Variants in BTBD8 observed in about 807,000 individuals in gnomAD.
The protein encoded by BTBD8 is BTB domain containing 8, also known as BTB/POZ domain-containing protein 8.
BTBD8 carries 110 observed loss-of-function variants against 162.9 expected under a neutral mutation model. The ratio of observed to expected loss-of-function variants is 0.68; its 90% CI spans 0.58 to 0.79. The LOEUF is 0.79. Ranked by LOEUF, BTBD8 falls within the 30% of genes least tolerant of loss-of-function variation. BTBD8 has a pLI of 0.00. For synonymous variants in BTBD8, 667 were observed against 716.1 expected (o/e 0.93, Z 1.10); for missense variants, 1,905 against 2,085.4 (o/e 0.91, Z 1.68).
intron 2 of BTBD8, among the ~76,000 whole-genome samples, chr1:92,091,682 A>C (rs918026772): frequency 6.6e-6 from 1 of 152,104 alleles, no homozygotes; most frequent in African/African-American, 2.4e-5. Flanking sequence ...TCCTGGGCTC[A>C]AGTGAGTCTC....
intron 2 of BTBD8, among the ~76,000 whole-genome samples, chr1:92,093,480 C>T (rs143105325): frequency 2.6e-5 from 4 of 152,246 alleles, no homozygotes; most frequent in African/African-American, 9.6e-5. Flanking sequence ...GTGTGAGCCA[C>T]CGCACCCAGC....
rs781344199 is a variant in BTBD8 at position 92,147,691 on chromosome 1, G to T, written c.1027G>T (p.Val343Leu). The T allele has an allele frequency of 3.7e-6, 6 of 1,605,922 alleles. No homozygotes were observed. The highest frequency in any genetic ancestry group is 1.1e-5 in the South Asian group (1 of 88,652). Residue 343 changes from valine (V) to leucine (L), a missense_variant, in exon 9 of 18, where the codon GTA becomes TTA. Val to Leu is a conservative substitution (Grantham distance 32, BLOSUM62 1). Transcript: ENST00000636805. ...SLFADCMKWIVKHFARFWSER... is the reference protein window; with the variant it reads ...SLFADCMKWILKHFARFWSER... ...ATTCTTTTATTTTAACAGGTGGATT[G>T]TAAAGCATTTTGCAAGGTTTTGGTC...
intron 9 of BTBD8, among the ~76,000 whole-genome samples, chr1:92,162,498 T>A (rs1650293248): frequency 6.6e-6 from 1 of 152,146 alleles, no homozygotes; most frequent in Non-Finnish European, 1.5e-5. Context: ...AATAGTGAAT[T>A]CTATATTAGT....
intron 9 of BTBD8, among the ~76,000 whole-genome samples, chr1:92,156,405 G>A (rs755694094): frequency 2.6e-5 from 4 of 152,086 alleles, no homozygotes; most frequent in Admixed American, 6.5e-5. Flanking sequence ...ATTCTTATGT[G>A]GCTTTGGTGT....
At chr1:92,133,802 C>T (rs955089652) in intron 5 of BTBD8, among the ~76,000 whole-genome samples, 6 of 152,030 alleles carry the variant, frequency 3.9e-5, no homozygotes, top group African/African-American at 1.4e-4. Flanking sequence ...AACCCCATCT[C>T]TACTAAAAAT....
At chr1:92,149,361 C>T (rs889364720) in intron 9 of BTBD8, among the ~76,000 whole-genome samples, 2 of 152,156 alleles carry the variant, frequency 1.3e-5, no homozygotes, top group Admixed American at 1.3e-4. Flanking sequence ...AAAAGGAACT[C>T]ATATCCCCTC....
rs1468975694 is a variant in BTBD8 at position 92,171,457 on chromosome 1, G to A, written c.1632G>A (p.Ser544=). The change falls in exon 13 of 18, where the codon TCG becomes TCA. Residue 544 remains serine, a synonymous_variant. Transcript: ENST00000636805. ...GCAAAAAGCCTATATTCAGTAGCTC[G>A]CAGGTAAACTTTCTAAATTTTATAG... is the stretch of plus-strand genomic sequence containing the variant. ...RLGKKPIFSS[S]QQRKQVSDSG... is the part of the protein sequence containing the mutation. The A allele has an allele frequency of 2.3e-5, 34 of 1,508,384 alleles. No homozygotes were observed. Among genetic ancestry groups the A allele is most frequent in the Admixed American group, 6.3e-5 (3 of 47,472 alleles). The allele number at this position is 1,508,384 out of a possible 1,614,324, so 93.4% of individuals were successfully genotyped here.
intron 5 of BTBD8, among the ~76,000 whole-genome samples, chr1:92,138,657 C>G (rs1037382842): frequency 1.3e-5 from 2 of 152,178 alleles, no homozygotes; most frequent in African/African-American, 4.8e-5. Context: ...GTCCACCAAC[C>G]ACATGATTCA....
chr1:92,120,621 C>T (rs1649184754), intron 4 of BTBD8, among the ~76,000 whole-genome samples: 1 of 152,202 alleles, frequency 6.6e-6, no homozygotes, highest in South Asian at 2.1e-4. Context: ...CCTCCACAAA[C>T]ATGTGAGTAA....
At chr1:92,096,846 A>ATATT (rs1648466777) in intron 2 of BTBD8, among the ~76,000 whole-genome samples, 1 of 152,152 alleles carries the variant, frequency 6.6e-6, no homozygotes, top group African/African-American at 2.4e-5. Flanking sequence ...CCAATCACCT[A>ATATT]TATTTCCCTA....
chr1:92,179,245 CAA>C (rs5776142), intron 16 of BTBD8, among the ~76,000 whole-genome samples: 249 of 137,934 alleles, frequency 1.8e-3, no homozygotes, highest in Middle Eastern at 3.7e-3. Flanking sequence ...GACTCTATCT[CAA>C]AAAAAAAAAA....
intron 1 of BTBD8, among the ~76,000 whole-genome samples, chr1:92,086,130 C>A (rs1005357766): frequency 1.3e-5 from 2 of 152,140 alleles, no homozygotes; most frequent in Non-Finnish European, 2.9e-5. Flanking sequence ...GTTTAAGATA[C>A]AATTGATCTA....
intron 9 of BTBD8, 55 bp from the exon 10 acceptor site, chr1:92,166,903 G>A (rs1052467564): frequency 6.8e-7 from 1 of 1,466,270 alleles, no homozygotes; most frequent in Admixed American, 2.6e-5. Flanking sequence ...TGCTTAGAGA[G>A]TTATTTTATT....
rs534826185 is a variant in BTBD8 at position 92,183,899 on chromosome 1, C to G, written c.4948C>G (p.Arg1650Gly). The stretch of plus-strand genomic sequence containing the variant: ...TGATTGTGACACACTGGCACAAACC[C>G]GCATGTATGACCATCGGCCTTCAAA... ...IDDCDTLAQT[R>G]MYDHRPSKTL... The change falls in exon 18 of 18, where the codon CGC becomes GGC. Residue 1650 changes from arginine to glycine, a missense_variant. Physicochemically the swap from Arg to Gly is moderately radical, Grantham distance 125. Transcript: ENST00000636805. 5.5e-5 allele frequency: 85 copies of G among 1,550,468 alleles called. No homozygotes were observed. The highest frequency in any genetic ancestry group is 6.9e-5 in the Non-Finnish European group (79 of 1,146,718).
At chr1:92,091,953 G>C (rs1295114968) in intron 2 of BTBD8, among the ~76,000 whole-genome samples, 1 of 152,026 alleles carries the variant, frequency 6.6e-6, no homozygotes, top group Non-Finnish European at 1.5e-5. Flanking sequence ...CTGAAAATCA[G>C]TTGCCCATTG....
chr1:92,080,570 A>G lies in BTBD8; in HGVS notation c.-2A>G. Reference sequence around the variant, plus strand: ...CTCCAGGGCGTCGTACCTCTGTGAGACATGGCTCGCTGTGGGGAAGGCAGT... The same window carrying G: ...CTCCAGGGCGTCGTACCTCTGTGAGGCATGGCTCGCTGTGGGGAAGGCAGT... On this transcript the variant is annotated 5_prime_UTR_variant, in exon 1 of 18. Transcript: ENST00000636805. 2.5e-6 allele frequency: 4 copies of G among 1,613,790 alleles called. No individual in the cohort carries two copies. The highest frequency in any genetic ancestry group is 2.5e-6 in the Non-Finnish European group (3 of 1,179,842).
At chr1:92,162,214 T>A (rs553677393) in intron 9 of BTBD8, among the ~76,000 whole-genome samples, 2 of 152,350 alleles carry the variant, frequency 1.3e-5, no homozygotes, top group South Asian at 4.1e-4. Context: ...CTGACAGCAC[T>A]TTCCCTCAGC....
At chr1:92,174,378 G>T (rs1028179110) in intron 13 of BTBD8, among the ~76,000 whole-genome samples, 1 of 151,944 alleles carries the variant, frequency 6.6e-6, no homozygotes, top group African/African-American at 2.4e-5. Flanking sequence ...TTTTGTAGAG[G>T]CGGGGTTTTG....
intron 2 of BTBD8, among the ~76,000 whole-genome samples, chr1:92,096,073 G>C (rs777748774): frequency 2.0e-5 from 3 of 151,698 alleles, no homozygotes; most frequent in Admixed American, 2.0e-4. Flanking sequence ...CAAGGCTTAC[G>C]CAATTCTTGT....
Sources: gnomAD v4.1 joint callset for allele counts (sites outside exome capture counted in the v4.1 genomes callset) on GRCh38, gnomAD v4.1.1 for gene constraint, MANE v1.5 for transcripts, NCBI Gene and HGNC (gene_info 2026-07-23, HGNC 2026-07-21) for gene names.